The following CLSTN2 variants were observed in gnomAD, a reference collection of about 807,000 sequenced individuals.
CLSTN2 encodes the protein calsyntenin 2, also known as calsyntenin-2.
A neutral mutation model predicts 101.2 loss-of-function variants in CLSTN2; 48 were observed. The observed-to-expected ratio is 0.47, with a 90% confidence interval of 0.38 to 0.60. The LOEUF (loss-of-function observed/expected upper bound fraction) is 0.60. CLSTN2 is among the 20% of genes least tolerant of loss of function. The pLI is 0.00. For missense variants in CLSTN2, 1,160 were observed against 1,238.2 expected, an observed-to-expected ratio of 0.94 and a Z score of 0.95; for synonymous variants, 481 against 463.6, an observed-to-expected ratio of 1.04 and a Z score of -0.48.
chr3:140,146,816 C>G (rs1576445083), intron 1 of CLSTN2, among the ~76,000 whole-genome samples: 1 of 152,210 alleles, frequency 6.6e-6, no homozygotes, highest in Non-Finnish European at 1.5e-5. Flanking sequence ...CCTCCTGCAC[C>G]ACCTCCTCTA....
At chr3:140,222,132 C>G (rs538667234) in intron 2 of CLSTN2, among the ~76,000 whole-genome samples, 1 of 151,320 alleles carries the variant, frequency 6.6e-6, no homozygotes, top group South Asian at 2.1e-4. Context: ...GGGTGCTGGT[C>G]AGCCATAAAA....
chr3:140,062,501 T>C (rs1264559609), intron 1 of CLSTN2, among the ~76,000 whole-genome samples: 2 of 152,178 alleles, frequency 1.3e-5, no homozygotes, highest in African/African-American at 2.4e-5. Context: ...TTTAATCTAT[T>C]ACCCAGTTCC....
intron 6 of CLSTN2, among the ~76,000 whole-genome samples, chr3:140,453,530 T>C (rs1933302717): frequency 6.6e-6 from 1 of 152,196 alleles, no homozygotes; most frequent in Non-Finnish European, 1.5e-5. Flanking sequence ...ATCATGTAGT[T>C]CTAGTGTTGT....
At chr3:140,041,103 A>G (rs1199215719) in intron 1 of CLSTN2, among the ~76,000 whole-genome samples, 2 of 152,178 alleles carry the variant, frequency 1.3e-5, no homozygotes, top group African/African-American at 4.8e-5. Context: ...TACCTCTTCC[A>G]TTCATCACGT....
intron 12 of CLSTN2, among the ~76,000 whole-genome samples, chr3:140,561,218 A>C (rs1935906882): frequency 6.6e-6 from 1 of 152,192 alleles, no homozygotes; most frequent in Non-Finnish European, 1.5e-5. Flanking sequence ...GCAAGATCAA[A>C]GCCACTTGAA....
intron 1 of CLSTN2, among the ~76,000 whole-genome samples, chr3:140,079,323 T>A (rs1488142195): frequency 6.6e-6 from 1 of 152,214 alleles, no homozygotes; most frequent in Non-Finnish European, 1.5e-5. Flanking sequence ...TTAACGATAT[T>A]CATATTAATA....
chr3:140,298,559 C>T (rs1204049084), intron 2 of CLSTN2, among the ~76,000 whole-genome samples: 2 of 152,174 alleles, frequency 1.3e-5, no homozygotes, highest in African/African-American at 4.8e-5. Context: ...GTCTGGCAGC[C>T]TGAGCAGGGT....
chr3:140,076,301 T>C (rs1289636811), intron 1 of CLSTN2, among the ~76,000 whole-genome samples: 1 of 152,230 alleles, frequency 6.6e-6, no homozygotes, highest in Non-Finnish European at 1.5e-5. Context: ...CTTTATCCAT[T>C]CATCTGTTGA....
chr3:140,402,601 G>T (rs1194866850), intron 2 of CLSTN2, among the ~76,000 whole-genome samples: 1 of 152,152 alleles, frequency 6.6e-6, no homozygotes, highest in Admixed American at 6.6e-5. Flanking sequence ...AGGCAAGAAG[G>T]TGCCTGGGTT....
chr3:140,206,746 T>A (rs184927614), intron 2 of CLSTN2, among the ~76,000 whole-genome samples: 413 of 152,242 alleles, frequency 2.7e-3, no homozygotes, highest in African/African-American at 9.2e-3. Context: ...CCAGGAGACA[T>A]TTGTACTTGC....
chr3:139,997,162 C>T (rs559858122), intron 1 of CLSTN2, among the ~76,000 whole-genome samples: 41 of 151,796 alleles, frequency 2.7e-4, no homozygotes, highest in Non-Finnish European at 5.4e-4. Flanking sequence ...TATAGATTCT[C>T]GATATTAATA....
At chr3:140,201,807 T>C (rs905739515) in intron 2 of CLSTN2, among the ~76,000 whole-genome samples, 13 of 151,658 alleles carry the variant, frequency 8.6e-5, no homozygotes, top group Non-Finnish European at 1.9e-4. Context: ...CACACACATG[T>C]ATATGTGTGT....
rs1379789420 is a variant in CLSTN2 at position 140,574,944 on chromosome 3, G to T, written c.*8691G>T. 6.6e-6 allele frequency: 1 copy of T among 152,154 alleles called. No homozygotes were observed. The highest frequency in any genetic ancestry group is 2.4e-5 in the African/African-American group (1 of 41,416). 9.4% of individuals were successfully genotyped at this position (152,154 alleles called of 1,614,324 possible). On this transcript the variant is annotated 3_prime_UTR_variant, in exon 17 of 17. Transcript: ENST00000458420. ...AGGAGGGCCTTGCTTGTGCCTGTGGGTCATGGATGTTAATATAAAGGCTCA... is the reference window on the plus strand; with the variant it reads ...AGGAGGGCCTTGCTTGTGCCTGTGGTTCATGGATGTTAATATAAAGGCTCA...
chr3:140,167,185 C>G (rs1359960366), intron 1 of CLSTN2, among the ~76,000 whole-genome samples: 1 of 152,232 alleles, frequency 6.6e-6, no homozygotes, highest in Non-Finnish European at 1.5e-5. Context: ...AATGTGAATG[C>G]CGTCTCAGTC....
chr3:140,450,739 C>T (rs1933226802), intron 6 of CLSTN2, among the ~76,000 whole-genome samples: 2 of 152,000 alleles, frequency 1.3e-5, no homozygotes, highest in Non-Finnish European at 2.9e-5. Flanking sequence ...CACACACATA[C>T]ACACACACAA....
intron 1 of CLSTN2, among the ~76,000 whole-genome samples, chr3:139,952,968 A>G (rs1935318642): frequency 6.6e-6 from 1 of 151,960 alleles, no homozygotes; most frequent in South Asian, 2.1e-4. Context: ...CCCATATTCT[A>G]CCCATAGCCA....
chr3:140,126,110 G>C (rs1351722652), intron 1 of CLSTN2, among the ~76,000 whole-genome samples: 2 of 152,112 alleles, frequency 1.3e-5, no homozygotes, highest in Admixed American at 1.3e-4. Flanking sequence ...CTTAGGAGTG[G>C]GGCCACGAAG....
chr3:139,950,212 T>A (rs559572247), intron 1 of CLSTN2, among the ~76,000 whole-genome samples: 5 of 152,270 alleles, frequency 3.3e-5, no homozygotes, highest in Admixed American at 3.3e-4. Flanking sequence ...GCTGGTTTGG[T>A]TCTGAGTGAT....
At chr3:140,051,239 G>C (rs2007984402) in intron 1 of CLSTN2, among the ~76,000 whole-genome samples, 1 of 152,232 alleles carries the variant, frequency 6.6e-6, no homozygotes, top group Non-Finnish European at 1.5e-5. Flanking sequence ...GCATCAGAGA[G>C]AGGCTGTCTG....
Sources: allele counts gnomAD v4.1 joint callset (sites outside exome capture counted in the v4.1 genomes callset), GRCh38; gene constraint gnomAD v4.1.1; transcripts MANE v1.5; gene names NCBI Gene and HGNC (gene_info 2026-07-23, HGNC 2026-07-21).